The following RNF130 variants were observed in gnomAD, a reference collection of about 807,000 sequenced individuals.
The protein encoded by RNF130 is ring finger protein 130, also known as E3 ubiquitin-protein ligase RNF130.
Under a neutral mutation model 44.6 loss-of-function variants are expected in RNF130, and 21 were observed. The ratio of observed to expected loss-of-function variants is 0.47; its 90% confidence interval spans 0.33 to 0.68. RNF130 has a LOEUF of 0.68. Ranked by LOEUF, RNF130 falls within the 30% of genes least tolerant of loss-of-function variation. The probability of loss-of-function intolerance (pLI) is 0.02; values close to 1 mark genes in which losing one functional copy is unlikely to be tolerated. For missense variants in RNF130, 479 were observed against 560.6 expected (o/e 0.85, Z 1.47); for synonymous variants, 214 against 210.4 (o/e 1.02, Z -0.15).
At chr5:180,017,388 G>A (rs868579797) in intron 2 of RNF130, among the ~76,000 whole-genome samples, 1 of 152,140 alleles carries the variant, frequency 6.6e-6, no homozygotes, top group African/African-American at 2.4e-5. Context: ...GTAAATAAAT[G>A]TTTTCCTCTT....
chr5:179,943,874 C>T (rs1379630045), intron 7 of RNF130, among the ~76,000 whole-genome samples: 1 of 152,186 alleles, frequency 6.6e-6, no homozygotes, highest in African/African-American at 2.4e-5. Flanking sequence ...TGAGAAAATA[C>T]ACTTTTTCTA....
rs566676816 is a variant in RNF130 at position 180,058,957 on chromosome 5, G to C, written c.247+12499C>G. ...TGTACTTACCATGACTTAACAGTTA[G>C]ATGGTCAATTTATACGTTATTTTAC... On this transcript the variant is annotated intron_variant, in intron 1 of 8. Coordinates refer to ENST00000521389, the MANE Select transcript of RNF130 (RefSeq NM_018434.6). Among the ~76,000 whole-genome samples the C allele has an allele frequency of 4.6e-5, 7 of 152,292 alleles. No individual in the cohort carries two copies. In the South Asian group the frequency reaches 8.3e-4, roughly 18 times the overall value.
chr5:180,039,419 TAGAGACAGGGG>T (rs1764353746), intron 2 of RNF130, among the ~76,000 whole-genome samples: 3 of 152,100 alleles, frequency 2.0e-5, no homozygotes, highest in African/African-American at 7.2e-5. Flanking sequence ...TTATTTTTAG[TAGAGACAGGGG>T]TTTCAGCATG....
rs115400045 is a variant in RNF130 at position 179,995,573 on chromosome 5, T to C, written c.694-15373A>G. The stretch of plus-strand genomic sequence containing the variant: ...TAGGACTGAGACTGGAGTCCTCTTA[T>C]CAGCCACCAGGTCTGGGAAAATGCA... On this transcript the variant is annotated intron_variant, in intron 3 of 8. Transcript: ENST00000521389. Among the ~76,000 whole-genome samples the C allele has an allele frequency of 3.0e-3, 461 of 152,306 alleles. 6 individuals carry two copies. Among genetic ancestry groups the C allele is most frequent in the African/African-American group, 0.011 (443 of 41,570 alleles).
At chr5:180,018,009 G>C (rs187800992) in intron 2 of RNF130, among the ~76,000 whole-genome samples, 1 of 152,250 alleles carries the variant, frequency 6.6e-6, no homozygotes, top group Non-Finnish European at 1.5e-5. Context: ...GAAAGAAGAG[G>C]TTCAGGCTGG....
chr5:180,063,436 A>G (rs1171142766), intron 1 of RNF130, among the ~76,000 whole-genome samples: 1 of 152,194 alleles, frequency 6.6e-6, no homozygotes, highest in East Asian at 1.9e-4. Flanking sequence ...TGAGATGGGA[A>G]AGACTGGAGA....
intron 3 of RNF130, among the ~76,000 whole-genome samples, chr5:179,992,721 A>G (rs1763113778): frequency 6.6e-6 from 1 of 151,838 alleles, no homozygotes. Context: ...TTTATTTTTT[A>G]TGGTTTATTT....
intron 3 of RNF130, among the ~76,000 whole-genome samples, chr5:179,998,441 C>A (rs897689046): frequency 1.3e-5 from 2 of 152,040 alleles, no homozygotes; most frequent in African/African-American, 4.8e-5. Context: ...CAGAAAAGAT[C>A]CTTTGTATGA....
At chr5:179,994,136 G>C (rs1763152828) in intron 3 of RNF130, among the ~76,000 whole-genome samples, 1 of 152,198 alleles carries the variant, frequency 6.6e-6, no homozygotes, top group Non-Finnish European at 1.5e-5. Context: ...TAGCCTTGTA[G>C]TATAGTTTGA....
At chr5:180,054,138 TTC>T (rs1764751099) in intron 1 of RNF130, among the ~76,000 whole-genome samples, 1 of 152,146 alleles carries the variant, frequency 6.6e-6, no homozygotes, top group Non-Finnish European at 1.5e-5. Flanking sequence ...TAGAATAGGT[TTC>T]TCTGTTACCT....
intron 7 of RNF130, among the ~76,000 whole-genome samples, chr5:179,924,967 G>T (rs773957625): frequency 6.6e-6 from 1 of 152,170 alleles, no homozygotes; most frequent in Non-Finnish European, 1.5e-5. Flanking sequence ...AAGGGAGGAA[G>T]ATGAAAAACA....
At chr5:180,051,238 ATATT>A (rs61340522) in intron 1 of RNF130, among the ~76,000 whole-genome samples, 108 of 144,154 alleles carry the variant, frequency 7.5e-4, no homozygotes, top group African/African-American at 1.9e-3. Flanking sequence ...TATAGATATT[ATATT>A]TATTTATTTA....
chr5:180,031,614 A>G (rs1412063902), intron 2 of RNF130, among the ~76,000 whole-genome samples: 1 of 152,334 alleles, frequency 6.6e-6, no homozygotes, highest in South Asian at 2.1e-4. Context: ...ACTATATTCA[A>G]TTTTATGGAC....
chr5:180,007,313 A>G (rs1763482136), intron 3 of RNF130, among the ~76,000 whole-genome samples: 1 of 152,200 alleles, frequency 6.6e-6, no homozygotes, highest in Admixed American at 6.5e-5. Context: ...AGGCAGGAGA[A>G]TTGCTTAAGC....
chr5:179,958,438 T>G (rs1189967591), intron 8 of RNF130, among the ~76,000 whole-genome samples: 5 of 152,160 alleles, frequency 3.3e-5, no homozygotes, highest in African/African-American at 1.2e-4. Flanking sequence ...CTTTTGATAT[T>G]TAAGGTTCTA....
rs371588596 is a variant in RNF130, at chr5:179,966,786, G to A, written c.1150+20C>T. 1.1e-5 allele frequency: 17 copies of A among 1,605,628 alleles called. No individual in the cohort carries two copies. The African/African-American group carries it at 2.0e-4, about 19-fold the overall frequency. On this transcript the variant is annotated intron_variant, in intron 7 of 8. Transcript: ENST00000521389. The stretch of plus-strand genomic sequence containing the variant: ...ATAGGCAGCCACATGCCCTGTGCCT[G>A]AGCGGAGGCCCCCACTTACTTGTTA...
downstream of RNF130, among the ~76,000 whole-genome samples, chr5:179,950,530 G>C (rs1762110318): frequency 6.6e-6 from 1 of 152,210 alleles, no homozygotes; most frequent in Admixed American, 6.5e-5. Flanking sequence ...TGGTTACTGA[G>C]ACCATGATTA....
At chr5:179,926,577 G>A (rs1761710234) in intron 7 of RNF130, among the ~76,000 whole-genome samples, 1 of 152,174 alleles carries the variant, frequency 6.6e-6, no homozygotes, top group African/African-American at 2.4e-5. Context: ...GAACCAGGGA[G>A]GTGGAGGTGG....
intron 1 of RNF130, among the ~76,000 whole-genome samples, chr5:180,057,519 G>C (rs116463976): frequency 0.11 from 16,365 of 151,886 alleles, 1,012 homozygotes; most frequent in East Asian, 0.2. Context: ...CTGCGCTCCA[G>C]CCTGGGTGAC....
Sources: allele counts gnomAD v4.1 joint callset (sites outside exome capture counted in the v4.1 genomes callset), GRCh38; gene constraint gnomAD v4.1.1; transcripts MANE v1.5; gene names NCBI Gene and HGNC (gene_info 2026-07-23, HGNC 2026-07-21).